MATN2: variants seen among roughly 807,000 people sequenced by gnomAD.
The protein encoded by MATN2 is matrilin 2.
Under a neutral mutation model 103.2 loss-of-function variants are expected in MATN2, and 69 were observed. The ratio of observed to expected loss-of-function variants is 0.67; its 90% CI spans 0.55 to 0.82. The LOEUF (loss-of-function observed/expected upper bound fraction) is 0.82, where lower values mean the gene tolerates loss of function less well. Ranked by LOEUF, MATN2 falls within the 40% of genes least tolerant of loss-of-function variation. The probability of loss-of-function intolerance (pLI) is 0.00; values close to 1 mark genes in which losing one functional copy is unlikely to be tolerated. For missense variants in MATN2, 1,023 were observed against 1,211.5 expected, an observed-to-expected ratio of 0.84 and a Z score of 2.31; for synonymous variants, 429 against 450.2, an observed-to-expected ratio of 0.95 and a Z score of 0.60.
intron 4 of MATN2, among the ~76,000 whole-genome samples, chr8:97,945,516 G>A (rs191506239): frequency 3.9e-4 from 59 of 151,784 alleles, no homozygotes; most frequent in African/African-American, 1.3e-3. Flanking sequence ...TCTCCAAGCC[G>A]GGAAGACAGA....
chr8:97,890,214 C>T (rs566024972), intron 2 of MATN2, among the ~76,000 whole-genome samples: 13 of 152,246 alleles, frequency 8.5e-5, no homozygotes, highest in Admixed American at 8.5e-4. Context: ...CACCTGCAAT[C>T]CCAGCACTTT....
chr8:97,881,360 T>C (rs1586370802), intron 1 of MATN2, among the ~76,000 whole-genome samples: 2 of 152,222 alleles, frequency 1.3e-5, no homozygotes, highest in African/African-American at 4.8e-5. Context: ...GCCCACACCA[T>C]ACAGTTCTGG....
chr8:97,930,891 C>T (rs1563674189), intron 2 of MATN2, 62 bp from the exon 3 acceptor site: 2 of 1,180,052 alleles, frequency 1.7e-6, no homozygotes, highest in Non-Finnish European at 2.4e-6. Context: ...GCTGGGATTA[C>T]AGGTGTGAGC....
intron 7 of MATN2, among the ~76,000 whole-genome samples, chr8:98,000,805 G>T (rs191772039): frequency 2.0e-5 from 3 of 152,120 alleles, no homozygotes; most frequent in Non-Finnish European, 2.9e-5. Flanking sequence ...GTCCCTGCTC[G>T]TGGAACTCAG....
chr8:97,982,953 C>A lies in MATN2; in HGVS notation c.1081+3945C>A, dbSNP rs1812075181. 6.6e-6 allele frequency among the ~76,000 whole-genome samples: 1 copy of A among 152,174 alleles called. No homozygotes were observed. The highest frequency in any genetic ancestry group is 1.5e-5 in the Non-Finnish European group (1 of 68,032). ...GACCACACCCCCTGGCTGGGGTCAC[C>A]TGATTTCCACCCAGCTGTAACTATC... On this transcript the variant is annotated intron_variant, in intron 6 of 18. Coordinates refer to ENST00000254898, the MANE Select transcript of MATN2 (RefSeq NM_002380.5). This position sits in a 1 kb window ranked among gnomAD's most constrained non-coding sequence, Gnocchi z 4.3.
chr8:97,907,478 A>ATT (rs751836996), intron 2 of MATN2, among the ~76,000 whole-genome samples: 8 of 138,688 alleles, frequency 5.8e-5, no homozygotes, highest in African/African-American at 1.6e-4. Context: ...CAGCTGGCTA[A>ATT]TTTTTTTTTT....
intron 6 of MATN2, among the ~76,000 whole-genome samples, chr8:97,980,788 C>T (rs776959119): frequency 8.6e-5 from 13 of 151,888 alleles, no homozygotes; most frequent in African/African-American, 1.9e-4. Flanking sequence ...AGGCTGGTGT[C>T]GAATCCCTGA....
At chr8:98,033,271 G>A (rs2130461224) in intron 17 of MATN2, 95 bp downstream of exon 17, 1 of 1,097,312 alleles carries the variant, frequency 9.1e-7, no homozygotes, top group Non-Finnish European at 1.3e-6. Context: ...AAAGAAGGAA[G>A]TAGGAAATAG....
At chr8:97,898,823 C>T (rs1395325470) in intron 2 of MATN2, among the ~76,000 whole-genome samples, 1 of 152,132 alleles carries the variant, frequency 6.6e-6, no homozygotes, top group Non-Finnish European at 1.5e-5. Flanking sequence ...GATCATGGCT[C>T]ACTGCAGCCT....
At chr8:97,915,376 T>A (rs1317870544) in intron 2 of MATN2, among the ~76,000 whole-genome samples, 1 of 152,190 alleles carries the variant, frequency 6.6e-6, no homozygotes, top group African/African-American at 2.4e-5. Flanking sequence ...GTTCTCATAC[T>A]CTATCCCTAG....
At chr8:97,899,352 A>G (rs1027666338) in intron 2 of MATN2, among the ~76,000 whole-genome samples, 1 of 152,220 alleles carries the variant, frequency 6.6e-6, no homozygotes, top group Admixed American at 6.5e-5. Context: ...ACTCTTCCTC[A>G]ATAAATATAT....
chr8:98,017,886 G>A, intron 11 of MATN2, 108 bp from the exon 12 acceptor site: 1 of 1,252,254 alleles, frequency 8.0e-7, no homozygotes, highest in Non-Finnish European at 1.1e-6. Context: ...CTGAGCTCAG[G>A]TGGCAGATAG....
chr8:97,958,313 G>C (rs1811203151), intron 4 of MATN2, among the ~76,000 whole-genome samples: 1 of 152,210 alleles, frequency 6.6e-6, no homozygotes, highest in Non-Finnish European at 1.5e-5. Context: ...GAGGACCCAT[G>C]TGGAGAAGCT....
At chr8:97,913,314 ATTT>A (rs5893435) in intron 2 of MATN2, among the ~76,000 whole-genome samples, 4 of 137,032 alleles carry the variant, frequency 2.9e-5, no homozygotes, top group Non-Finnish European at 3.2e-5. Flanking sequence ...ACAGCAATCG[ATTT>A]TTTTTTTTTT....
At chr8:97,879,047 T>A (rs72675223) in intron 1 of MATN2, among the ~76,000 whole-genome samples, 9,302 of 152,184 alleles carry the variant, frequency 0.061, 318 homozygotes, top group African/African-American at 0.094. Context: ...TTAATAATTT[T>A]AAAAAAATTT....
intron 1 of MATN2, among the ~76,000 whole-genome samples, chr8:97,874,514 T>C (rs1334930422): frequency 6.6e-6 from 1 of 151,858 alleles, no homozygotes; most frequent in African/African-American, 2.4e-5. Context: ...TAAGTGACCC[T>C]CTTATTTAGG....
At position 97,961,421 on chromosome 8, in the gene MATN2, T is replaced by A. The variant is rs753355185; in HGVS notation, c.849T>A (p.Cys283Ter). 1 of 1,613,146 alleles carries A rather than the reference T, an allele frequency of 6.2e-7. No homozygotes were observed. Among genetic ancestry groups the A allele is most frequent in the South Asian group, 1.1e-5 (1 of 90,904 alleles). The part of the protein sequence containing the change: ...DQTTCRIQDL[C>*]AMEDHNCEQL... ...ACTTTGCCTCAGTCCAGGATCTGTG[T>A]GCCATGGAGGACCACAACTGTGAGC... is the stretch of plus-strand genomic sequence containing the variant. Residue 283 changes from cysteine (C) to a stop codon, truncating the protein, a stop_gained, in exon 5 of 19, where the codon TGT (cysteine) becomes TGA (stop). Coordinates refer to ENST00000254898, the MANE Select transcript of MATN2 (RefSeq NM_002380.5). LOFTEE classifies it high-confidence loss of function.
At chr8:97,898,597 C>CAAAA (rs1272617710) in intron 2 of MATN2, among the ~76,000 whole-genome samples, 2 of 92,202 alleles carry the variant, frequency 2.2e-5, no homozygotes, top group African/African-American at 4.0e-5. Context: ...AACTCCTTCT[C>CAAAA]AAAAAAAAAA....
At chr8:97,917,698 G>T (rs548237568) in intron 2 of MATN2, among the ~76,000 whole-genome samples, 2 of 152,176 alleles carry the variant, frequency 1.3e-5, no homozygotes, top group Non-Finnish European at 2.9e-5. Context: ...CTCCATCTGG[G>T]TGTACATTGT....
Sources: allele counts gnomAD v4.1 joint callset (sites outside exome capture counted in the v4.1 genomes callset), GRCh38; gene constraint gnomAD v4.1.1; non-coding constraint Gnocchi (gnomAD v3.1); transcripts MANE v1.5; gene names NCBI Gene and HGNC (gene_info 2026-07-23, HGNC 2026-07-21).